The following HTR1F variants were observed in gnomAD, a reference collection of about 807,000 sequenced individuals.
The protein encoded by HTR1F is 5-hydroxytryptamine (serotonin) receptor 1F, G protein-coupled.
In HTR1F, 17 loss-of-function variants were observed where a neutral mutation model predicts 24.0. The observed-to-expected ratio is 0.71, with a 90% CI of 0.48 to 1.06. The LOEUF is 1.06. HTR1F is among the 50% of genes least tolerant of loss of function. The pLI is 0.00. For synonymous variants in HTR1F, 186 were observed against 156.8 expected (o/e 1.19, Z -1.39); for missense variants, 391 against 427.8 (o/e 0.91, Z 0.76).
Position 87,896,786 on chromosome 3 carries a change from G to C in HTR1F, c.-43+74662G>C, listed in dbSNP as rs548594178. Among the ~76,000 whole-genome samples, 5 of 152,256 alleles carry C rather than the reference G, an allele frequency of 3.3e-5. No homozygotes were observed. In the East Asian group the frequency reaches 5.8e-4, roughly 18 times the overall value. On this transcript the variant is annotated intron_variant, in intron 2 of 2. Coordinates refer to ENST00000319595, the MANE Select transcript of HTR1F (RefSeq NM_001322209.2). The stretch of plus-strand genomic sequence containing the variant: ...GGACTTAAACAGACATTTCTCCAAA[G>C]ATGGGAAAATGGCCAGCAGGTATGT...
intron 2 of HTR1F, among the ~76,000 whole-genome samples, chr3:87,946,782 C>T (rs761516079): frequency 6.6e-5 from 10 of 152,128 alleles, no homozygotes; most frequent in Non-Finnish European, 1.2e-4. Flanking sequence ...CGTGCTACCA[C>T]GCCCAGCTAA....
intron 2 of HTR1F, among the ~76,000 whole-genome samples, chr3:87,864,386 G>A (rs565071118): frequency 5.1e-4 from 77 of 152,260 alleles, no homozygotes; most frequent in African/African-American, 1.8e-3. Flanking sequence ...CATATGGGTT[G>A]TTCTGGTCAG....
At chr3:87,979,896 CATATCT>C (rs1246641103) in intron 2 of HTR1F, among the ~76,000 whole-genome samples, 3 of 152,178 alleles carry the variant, frequency 2.0e-5, no homozygotes, top group African/African-American at 7.2e-5. Flanking sequence ...TGTGGGCGCC[CATATCT>C]AAATGAGGAG....
At chr3:87,825,289 G>A (rs540640495) in intron 2 of HTR1F, among the ~76,000 whole-genome samples, 2 of 152,198 alleles carry the variant, frequency 1.3e-5, no homozygotes, top group African/African-American at 4.8e-5. Flanking sequence ...TGACCTTACC[G>A]ATAATGAGTT....
intron 2 of HTR1F, among the ~76,000 whole-genome samples, chr3:87,859,860 G>GA (rs34603610): frequency 6.6e-6 from 1 of 151,860 alleles, no homozygotes; most frequent in Admixed American, 6.6e-5. Context: ...TAAAGCTGGG[G>GA]AAAAAAAGTA....
At chr3:87,837,279 C>T (rs142745796) in intron 2 of HTR1F, among the ~76,000 whole-genome samples, 37 of 152,158 alleles carry the variant, frequency 2.4e-4, no homozygotes, top group Middle Eastern at 3.4e-3. Context: ...TCCATATTCT[C>T]AGTTCTGCTT....
rs56149840 is a variant in HTR1F at position 87,807,051 on chromosome 3, T to G, written c.-160+14209T>G. On this transcript the variant is annotated intron_variant, in intron 1 of 2. Transcript: ENST00000319595. ...CCATAGCCTTGTAATATATTGAGTT[T>G]CAAGTAGCGTGGTGTCTCCAGTTTT... is the stretch of plus-strand genomic sequence containing the variant. Among the ~76,000 whole-genome samples, 886 of 152,090 alleles carry G rather than the reference T, an allele frequency of 5.8e-3. 4 individuals are homozygous for G. Among genetic ancestry groups the G allele is most frequent in the African/African-American group, 0.02 (848 of 41,542 alleles).
chr3:87,959,379 T>C (rs1705012890), intron 2 of HTR1F, among the ~76,000 whole-genome samples: 1 of 151,938 alleles, frequency 6.6e-6, no homozygotes, highest in South Asian at 2.1e-4. Context: ...ATGTATTCAT[T>C]GCCAAAGTCT....
intron 2 of HTR1F, among the ~76,000 whole-genome samples, chr3:87,983,015 T>G (rs1705585355): frequency 6.6e-6 from 1 of 152,042 alleles, no homozygotes; most frequent in Non-Finnish European, 1.5e-5. Context: ...GGGGAGCACG[T>G]GAATATATTT....
chr3:87,815,149 A>T (rs1265896020), intron 1 of HTR1F, among the ~76,000 whole-genome samples: 3 of 152,120 alleles, frequency 2.0e-5, no homozygotes, highest in Non-Finnish European at 4.4e-5. Flanking sequence ...GGCAGGAATG[A>T]TGTGTCATGG....
chr3:87,990,551 A>T (rs1705797738), intron 2 of HTR1F, 157 bp from the exon 3 acceptor site: 2 of 490,640 alleles, frequency 4.1e-6, no homozygotes, highest in Non-Finnish European at 7.1e-6. Flanking sequence ...TTTCTTAAAT[A>T]AAAAGGAAAA....
At chr3:87,858,818 G>C (rs1705255900) in intron 2 of HTR1F, among the ~76,000 whole-genome samples, 1 of 152,142 alleles carries the variant, frequency 6.6e-6, no homozygotes, top group Non-Finnish European at 1.5e-5. Flanking sequence ...ATTGTTTCTA[G>C]TTCCTTTACA....
intron 2 of HTR1F, among the ~76,000 whole-genome samples, chr3:87,971,883 C>A (rs1202995496): frequency 6.6e-6 from 1 of 152,146 alleles, no homozygotes; most frequent in Non-Finnish European, 1.5e-5. Context: ...TATTTGCCTA[C>A]TTCTACTGAT....
At chr3:87,902,082 G>T (rs139507857) in intron 2 of HTR1F, among the ~76,000 whole-genome samples, 2 of 152,048 alleles carry the variant, frequency 1.3e-5, no homozygotes, top group East Asian at 3.9e-4. Flanking sequence ...TTGAATTTAG[G>T]TGGAAATTGG....
Position 87,992,356 on chromosome 3 carries a change from G to A in HTR1F, c.*506G>A, listed in dbSNP as rs1705856796. On this transcript the variant is annotated 3_prime_UTR_variant, in exon 3 of 3. Transcript: ENST00000319595. ...TACCCTGAGCAAAAGGGAGGGGGAA[G>A]GAGCAACTCTTACTTAGTGTGACTG... The A allele has an allele frequency of 6.0e-6, 1 of 167,018 alleles. No individual in the cohort carries two copies. Among genetic ancestry groups the A allele is most frequent in the African/African-American group, 2.4e-5 (1 of 41,444 alleles). 10.3% of individuals were successfully genotyped at this position (167,018 alleles called of 1,614,324 possible). A position where few individuals can be genotyped will look rare whatever the true frequency, so the allele number is the denominator to read the frequency against.
At chr3:87,947,006 T>C (rs956724894) in intron 2 of HTR1F, among the ~76,000 whole-genome samples, 1 of 152,238 alleles carries the variant, frequency 6.6e-6, no homozygotes, top group Non-Finnish European at 1.5e-5. Context: ...TTAATTTTAT[T>C]ATTTAATCGT....
intron 2 of HTR1F, among the ~76,000 whole-genome samples, chr3:87,925,396 C>T (rs1282050187): frequency 1.3e-5 from 2 of 152,126 alleles, no homozygotes; most frequent in South Asian, 2.1e-4. Context: ...TTGGAAATGA[C>T]CTCCCAGCTG....
chr3:87,925,308 T>G (rs879794469), intron 2 of HTR1F, among the ~76,000 whole-genome samples: 4 of 152,100 alleles, frequency 2.6e-5, no homozygotes, highest in Non-Finnish European at 5.9e-5. Flanking sequence ...CAACAGCTTA[T>G]CTGGTTGTGG....
intron 2 of HTR1F, among the ~76,000 whole-genome samples, chr3:87,984,588 A>AAGT (rs1173226086): frequency 6.6e-6 from 1 of 152,022 alleles, no homozygotes; most frequent in African/African-American, 2.4e-5. Flanking sequence ...TCAGCTTCCC[A>AAGT]AGTAGCTCAG....
Sources: gnomAD v4.1 joint callset for allele counts (sites outside exome capture counted in the v4.1 genomes callset) on GRCh38, gnomAD v4.1.1 for gene constraint, MANE v1.5 for transcripts, NCBI Gene and HGNC (gene_info 2026-07-23, HGNC 2026-07-21) for gene names.